Variants in CALCRL observed in about 807,000 individuals in gnomAD.
CALCRL encodes calcitonin gene-related peptide type 1 receptor.
CALCRL carries 27 observed loss-of-function variants against 60.4 expected under a neutral mutation model. That is an observed-to-expected ratio of 0.45 (90% CI 0.33 to 0.62). The LOEUF (loss-of-function observed/expected upper bound fraction) is 0.62. CALCRL is among the 20% of genes least tolerant of loss of function. The pLI is 0.03. For missense variants in CALCRL, 424 were observed against 540.7 expected (o/e 0.78, Z 2.14); for synonymous variants, 190 against 182.6 (o/e 1.04, Z -0.33).
At position 187,425,455 on chromosome 2, in the gene CALCRL, A is replaced by T. The variant is rs972305493; in HGVS notation, c.-293+22584T>A. 3.3e-5 allele frequency among the ~76,000 whole-genome samples: 5 copies of T among 151,990 alleles called. No individual in the cohort carries two copies. The East Asian group carries it at 9.7e-4, about 29-fold the overall frequency. On this transcript the variant is annotated intron_variant, in intron 1 of 14. Transcript: ENST00000392370. Reference sequence around the variant, plus strand: ...CTTCCACCCATAGCTTGAAAGTCTTATATTTATTTGCTTATTAGTAGTACA... The same window carrying T: ...CTTCCACCCATAGCTTGAAAGTCTTTTATTTATTTGCTTATTAGTAGTACA...
chr2:187,359,208 T>A lies in CALCRL; in HGVS notation c.842+4A>T, dbSNP rs1248102921. 6.3e-7 allele frequency: 1 copy of A among 1,594,080 alleles called. No individual in the cohort carries two copies. The highest frequency in any genetic ancestry group is 1.7e-5 in the Admixed American group (1 of 59,082). ...GTAGAAATAATAAAAAGAGATTTTC[T>A]TACTTGTCATTGTAATATAAGCTTC... On this transcript the variant is annotated splice_donor_region_variant and intron_variant, in intron 11 of 14. Transcript: ENST00000392370.
chr2:187,431,106 C>T (rs1203638110), intron 1 of CALCRL, among the ~76,000 whole-genome samples: 1 of 152,060 alleles, frequency 6.6e-6, no homozygotes, highest in Non-Finnish European at 1.5e-5. Flanking sequence ...TGACAGATGT[C>T]CATAATTCCA....
chr2:187,348,622 C>G (rs1055044200), intron 14 of CALCRL, among the ~76,000 whole-genome samples: 4 of 151,622 alleles, frequency 2.6e-5, no homozygotes, highest in Non-Finnish European at 5.9e-5. Flanking sequence ...CACTCTATTT[C>G]TTCCTTGCAA....
chr2:187,354,077 C>G (rs1173494085), intron 12 of CALCRL, among the ~76,000 whole-genome samples: 1 of 151,848 alleles, frequency 6.6e-6, no homozygotes, highest in Admixed American at 6.6e-5. Flanking sequence ...TAAATATTTC[C>G]ATTTACTATA....
chr2:187,361,936 C>T (rs1262301986), intron 9 of CALCRL, among the ~76,000 whole-genome samples: 1 of 151,858 alleles, frequency 6.6e-6, no homozygotes, highest in African/African-American at 2.4e-5. Flanking sequence ...ATGTAAAACA[C>T]AGCATTATAT....
chr2:187,377,953 A>G (rs994399980), intron 8 of CALCRL, among the ~76,000 whole-genome samples: 2 of 152,014 alleles, frequency 1.3e-5, no homozygotes, highest in African/African-American at 4.8e-5. Context: ...ATAGGTATAT[A>G]TATCTTCTTT....
At chr2:187,405,135 A>G (rs1267467635) in intron 1 of CALCRL, among the ~76,000 whole-genome samples, 1 of 152,018 alleles carries the variant, frequency 6.6e-6, no homozygotes, top group Admixed American at 6.6e-5. Context: ...ACACAATTCC[A>G]TATCACAAGG....
intron 4 of CALCRL, among the ~76,000 whole-genome samples, chr2:187,383,952 T>A (rs375902569): frequency 1.3e-5 from 2 of 152,060 alleles, no homozygotes; most frequent in East Asian, 3.9e-4. Context: ...TACTTTAGTT[T>A]CCACGTGACT....
Position 187,345,301 on chromosome 2 carries a change from A to G in CALCRL, c.*883T>C, listed in dbSNP as rs1686229993. ...TTTCTTTTTACAAAATTCCAAGAAA[A>G]TAAGAAATCCTTCATTGATTTTCTT... On this transcript the variant is annotated 3_prime_UTR_variant, in exon 15 of 15. Transcript: ENST00000392370. 1.3e-5 allele frequency: 2 copies of G among 152,430 alleles called. No homozygotes were observed. Among genetic ancestry groups the G allele is most frequent in the Admixed American group, 1.3e-4 (2 of 15,208 alleles). 9.4% of individuals were successfully genotyped at this position (152,430 alleles called of 1,614,324 possible). A position where few individuals can be genotyped will look rare whatever the true frequency, so the allele number is the denominator to read the frequency against.
chr2:187,370,667 C>T (rs138789988), intron 8 of CALCRL, among the ~76,000 whole-genome samples: 15 of 152,256 alleles, frequency 9.9e-5, no homozygotes, highest in African/African-American at 3.4e-4. Context: ...ACCTGGGACT[C>T]TTCTCCATAA....
intron 1 of CALCRL, among the ~76,000 whole-genome samples, chr2:187,414,351 C>G (rs1259783875): frequency 6.6e-6 from 1 of 152,026 alleles, no homozygotes; most frequent in East Asian, 1.9e-4. Context: ...GTAGTCAACC[C>G]TACTCCATTC....
chr2:187,439,499 A>C (rs1690798038), intron 1 of CALCRL, among the ~76,000 whole-genome samples: 1 of 152,102 alleles, frequency 6.6e-6, no homozygotes, highest in South Asian at 2.1e-4. Flanking sequence ...ACAAACAAAC[A>C]AACAAAAAAC....
At chr2:187,366,798 C>A (rs1192665230) in intron 8 of CALCRL, among the ~76,000 whole-genome samples, 1 of 151,540 alleles carries the variant, frequency 6.6e-6, no homozygotes, top group Non-Finnish European at 1.5e-5. Flanking sequence ...TATTTCTGTT[C>A]CTCTCAGAAT....
chr2:187,445,771 G>A (rs1238049322), intron 1 of CALCRL, among the ~76,000 whole-genome samples: 2 of 151,314 alleles, frequency 1.3e-5, no homozygotes, highest in Admixed American at 6.6e-5. Flanking sequence ...ATGTGCAGGT[G>A]AACATAAATA....
intron 5 of CALCRL, among the ~76,000 whole-genome samples, chr2:187,382,057 G>GT (rs1260001799): frequency 6.6e-6 from 1 of 152,076 alleles, no homozygotes; most frequent in Non-Finnish European, 1.5e-5. Context: ...TCTTGATGTA[G>GT]TTTTAGAAAG....
chr2:187,426,607 C>T lies in CALCRL; in HGVS notation c.-293+21432G>A, dbSNP rs115191949. Among the ~76,000 whole-genome samples, 1,448 of 151,892 alleles carry T rather than the reference C, an allele frequency of 9.5e-3. 28 individuals carry two copies. Among genetic ancestry groups the T allele is most frequent in the African/African-American group, 0.033 (1,369 of 41,446 alleles). On this transcript the variant is annotated intron_variant, in intron 1 of 14. Coordinates refer to ENST00000392370, the MANE Select transcript of CALCRL (RefSeq NM_005795.6). ...TGTCCACCAGGTCTGGAAACACAAA[C>T]GATATATAATAAATGATTCACTGAT...
At chr2:187,358,931 A>C (rs561878900) in intron 12 of CALCRL, 132 bp downstream of exon 12, 2 of 769,678 alleles carry the variant, frequency 2.6e-6, no homozygotes, top group African/African-American at 1.7e-5. Flanking sequence ...ACTAAACGCT[A>C]TTCATTTAAG....
At chr2:187,363,638 T>A in intron 8 of CALCRL, 136 bp from the exon 9 acceptor site, 1 of 903,964 alleles carries the variant, frequency 1.1e-6, no homozygotes, top group South Asian at 2.2e-5. Context: ...TAAGATCCAC[T>A]CATTACAAAA....
In CALCRL at chr2:187,384,718, A is replaced by G. The variant is rs570274310; in HGVS notation, c.51+827T>C. ...GGTTTAGGTTTTCTGTATTCTCCCA[A>G]GTTTCTTTGTTTCCATCTTTGTGGT... On this transcript the variant is annotated intron_variant, in intron 4 of 14. Transcript: ENST00000392370. Among the ~76,000 whole-genome samples the G allele has an allele frequency of 6.6e-5, 10 of 152,028 alleles. No homozygotes were observed. In the East Asian group the frequency reaches 1.9e-3, roughly 29 times the overall value.
Sources: allele counts gnomAD v4.1 joint callset (sites outside exome capture counted in the v4.1 genomes callset), GRCh38; gene constraint gnomAD v4.1.1; transcripts MANE v1.5; gene names NCBI Gene and HGNC (gene_info 2026-07-23, HGNC 2026-07-21).